Variants in FAM227B observed in about 807,000 individuals in gnomAD.
FAM227B encodes the protein family with sequence similarity 227 member B.
FAM227B carries 88 observed loss-of-function variants against 73.8 expected under a neutral mutation model. The ratio of observed to expected loss-of-function variants is 1.19; its 90% CI spans 1.00 to 1.42. The LOEUF (loss-of-function observed/expected upper bound fraction) is 1.42, where lower values mean the gene tolerates loss of function less well. Among genes scored for constraint, FAM227B ranks in the 40% most tolerant of loss-of-function variants. The pLI is 0.00. For synonymous variants in FAM227B, 210 were observed against 190.5 expected (o/e 1.10, Z -0.84); for missense variants, 632 against 590.9 (o/e 1.07, Z -0.72).
rs2073680975 is a variant in FAM227B, at chr15:49,556,359, C to A, written c.747+11886G>T. Among the ~76,000 whole-genome samples the A allele has an allele frequency of 2.0e-5, 3 of 152,184 alleles. No homozygotes were observed. In the South Asian group the frequency reaches 6.2e-4, roughly 31 times the overall value. On this transcript the variant is annotated intron_variant, in intron 9 of 15. Coordinates refer to ENST00000299338, the MANE Select transcript of FAM227B (RefSeq NM_152647.3). Reference sequence around the variant, plus strand: ...GGCTATACAGCTCAGCTCAGCACTCCTGGGCAGGGTGCTCTAACTCTGGAG... The same window carrying A: ...GGCTATACAGCTCAGCTCAGCACTCATGGGCAGGGTGCTCTAACTCTGGAG...
At chr15:49,373,232 A>G (rs957161167) in intron 11 of FAM227B, among the ~76,000 whole-genome samples, 2 of 152,098 alleles carry the variant, frequency 1.3e-5, no homozygotes, top group African/African-American at 4.8e-5. Context: ...TACTTAACAG[A>G]TAGTAGTATA....
chr15:49,577,013 T>C (rs773792028), intron 6 of FAM227B, among the ~76,000 whole-genome samples, 168 bp from the exon 7 acceptor site: 1 of 152,152 alleles, frequency 6.6e-6, no homozygotes, highest in Non-Finnish European at 1.5e-5. Context: ...AGAAAAACCT[T>C]TGGCCGTGCA....
intron 11 of FAM227B, among the ~76,000 whole-genome samples, chr15:49,464,703 A>G (rs1392346405): frequency 6.6e-6 from 1 of 152,216 alleles, no homozygotes; most frequent in African/African-American, 2.4e-5. Flanking sequence ...AGTGGTCCCA[A>G]ATGACCAATA....
At chr15:49,384,392 A>G (rs2046744316) in intron 11 of FAM227B, among the ~76,000 whole-genome samples, 1 of 152,016 alleles carries the variant, frequency 6.6e-6, no homozygotes, top group African/African-American at 2.4e-5. Context: ...ATTATGCTCA[A>G]TGCCTGGAAT....
chr15:49,402,341 T>C (rs1024343473), intron 11 of FAM227B, among the ~76,000 whole-genome samples: 1 of 152,204 alleles, frequency 6.6e-6, no homozygotes, highest in Non-Finnish European at 1.5e-5. Context: ...AGAATGTCAA[T>C]GTCATTGAAT....
intron 11 of FAM227B, among the ~76,000 whole-genome samples, chr15:49,403,814 T>C (rs2048338275): frequency 6.6e-6 from 1 of 152,134 alleles, no homozygotes; most frequent in Non-Finnish European, 1.5e-5. Context: ...TGGGGTTGGT[T>C]TTCTCTTGGT....
At chr15:49,532,477 T>A (rs1015589554) in intron 10 of FAM227B, among the ~76,000 whole-genome samples, 6 of 151,826 alleles carry the variant, frequency 4.0e-5, no homozygotes, top group Admixed American at 6.6e-5. Context: ...CAAGCAAAAT[T>A]AATGACAAAT....
chr15:49,328,737 T>G (rs1463716553), intron 15 of FAM227B, 62 bp from the exon 16 acceptor site: 1 of 1,511,566 alleles, frequency 6.6e-7, no homozygotes, highest in African/African-American at 1.4e-5. Context: ...TAATTGAATT[T>G]GAATGTGAGA....
intron 10 of FAM227B, among the ~76,000 whole-genome samples, chr15:49,532,745 A>T (rs2060705948): frequency 6.6e-6 from 1 of 151,952 alleles, no homozygotes; most frequent in Admixed American, 6.6e-5. Context: ...TACAAAGTAA[A>T]CAGATGAAGA....
intron 9 of FAM227B, among the ~76,000 whole-genome samples, chr15:49,548,499 C>T (rs1244146278): frequency 6.6e-6 from 1 of 152,058 alleles, no homozygotes; most frequent in Non-Finnish European, 1.5e-5. Context: ...TCTTGATGTG[C>T]CTTTGTCTAG....
At chr15:49,419,714 C>T (rs944717187) in intron 11 of FAM227B, among the ~76,000 whole-genome samples, 1 of 152,166 alleles carries the variant, frequency 6.6e-6, no homozygotes, top group African/African-American at 2.4e-5. Context: ...CCTTCTCATT[C>T]TCTCTACTGG....
intron 3 of FAM227B, among the ~76,000 whole-genome samples, chr15:49,591,091 G>A (rs1262784669): frequency 7.4e-6 from 1 of 134,756 alleles, no homozygotes; most frequent in Non-Finnish European, 1.5e-5. Context: ...TGTCGCCCAG[G>A]TGGAGTGCAG....
chr15:49,351,131 A>G (rs1309729627), intron 13 of FAM227B, among the ~76,000 whole-genome samples: 1 of 138,198 alleles, frequency 7.2e-6, no homozygotes, highest in Non-Finnish European at 1.6e-5. Flanking sequence ...TAGTTTTGTT[A>G]GCCTTGTTTG....
At chr15:49,422,792 CTT>C in intron 11 of FAM227B, 1 of 1,285,918 alleles carries the variant, frequency 7.8e-7, no homozygotes, top group Non-Finnish European at 1.1e-6. Context: ...TAATATTCAA[CTT>C]ATCTACACAG....
At chr15:49,411,133 G>A (rs1429776257) in intron 11 of FAM227B, among the ~76,000 whole-genome samples, 1 of 151,726 alleles carries the variant, frequency 6.6e-6, no homozygotes, top group Non-Finnish European at 1.5e-5. Flanking sequence ...ATAAAAAACA[G>A]TTGCAGAATT....
At chr15:49,432,401 A>T (rs1183733942) in intron 11 of FAM227B, among the ~76,000 whole-genome samples, 1 of 151,694 alleles carries the variant, frequency 6.6e-6, no homozygotes, top group African/African-American at 2.4e-5. Flanking sequence ...TTTCAGCAGA[A>T]TTTCTCTGAG....
chr15:49,522,467 T>C (rs530361645), intron 10 of FAM227B, among the ~76,000 whole-genome samples: 14 of 152,078 alleles, frequency 9.2e-5, no homozygotes, highest in South Asian at 6.2e-4. Flanking sequence ...AATTCTAAAA[T>C]GACACATAAA....
Position 49,352,039 on chromosome 15 carries a change from G to A in FAM227B, c.1271+15409C>T, listed in dbSNP as rs1227378539. 2.0e-5 allele frequency among the ~76,000 whole-genome samples: 3 copies of A among 152,132 alleles called. No homozygotes were observed. In the East Asian group the frequency reaches 5.8e-4, roughly 29 times the overall value. On this transcript the variant is annotated intron_variant, in intron 13 of 15. Transcript: ENST00000299338. ...TGTAGTTGAGGTCAGTTGTTGACTG[G>A]GACTGGAGCCATCTCAAAGATTTCC...
chr15:49,411,690 T>A (rs1020900966), intron 11 of FAM227B, among the ~76,000 whole-genome samples: 1 of 152,064 alleles, frequency 6.6e-6, no homozygotes, highest in Non-Finnish European at 1.5e-5. Flanking sequence ...AAGGCAAAAA[T>A]AATAAATATT....
Sources: allele counts gnomAD v4.1 joint callset (sites outside exome capture counted in the v4.1 genomes callset), GRCh38; gene constraint gnomAD v4.1.1; transcripts MANE v1.5; gene names NCBI Gene and HGNC (gene_info 2026-07-23, HGNC 2026-07-21).